The following SLC25A35 variants were observed in gnomAD, a reference collection of about 807,000 sequenced individuals.
SLC25A35 encodes solute carrier family 25, member 35.
A neutral mutation model predicts 30.5 loss-of-function variants in SLC25A35; 32 were observed. The observed-to-expected ratio is 1.05, with a 90% confidence interval of 0.79 to 1.41. SLC25A35 has a LOEUF of 1.41. Among genes scored for constraint, SLC25A35 ranks in the 40% most tolerant of loss-of-function variants. The probability of loss-of-function intolerance (pLI) is 0.00; values close to 1 mark genes in which losing one functional copy is unlikely to be tolerated. For missense variants in SLC25A35, 369 were observed against 388.0 expected, an observed-to-expected ratio of 0.95 and a Z score of 0.41; for synonymous variants, 142 against 158.1, an observed-to-expected ratio of 0.90 and a Z score of 0.77.
At chr17:8,292,050 C>T (rs1429000748) in intron 2 of SLC25A35, among the ~76,000 whole-genome samples, 4 of 152,166 alleles carry the variant, frequency 2.6e-5, no homozygotes, top group African/African-American at 9.7e-5. Flanking sequence ...GACGTGGTGG[C>T]GCATGGCTGT....
Position 8,294,501 on chromosome 17 carries a change from C to A in SLC25A35, c.307G>T (p.Ala103Ser), listed in dbSNP as rs1392631601. The stretch of plus-strand genomic sequence containing the variant: ...ATGGCCCCAGCTGCTGCGCTGCGGG[C>A]AGGACTGTGGGTGCCTTCGGCTGTG... ...LHTAEGTHSP[A>S]RSAAAGAMAG... The change falls in exon 1 of 5, where the codon GCC becomes TCC. Residue 103 changes from alanine to serine, a missense_variant. By Grantham distance (99) the Ala-to-Ser change is moderately conservative. Coordinates refer to ENST00000577745, the MANE Select transcript of SLC25A35 (RefSeq NM_001320870.2). 3.1e-6 allele frequency: 5 copies of A among 1,613,180 alleles called. No individual in the cohort carries two copies. In the Admixed American group the frequency reaches 6.7e-5, roughly 22 times the overall value.
chr17:8,288,744 A>G (rs753158585), downstream of SLC25A35: 25 of 1,604,870 alleles, frequency 1.6e-5, no homozygotes, highest in Non-Finnish European at 2.1e-5. Flanking sequence ...CCCAATGTGG[A>G]CTTCTTTTAA....
At chr17:8,288,447 A>G (rs1990217351), downstream of SLC25A35, 2 of 394,166 alleles carry the variant, frequency 5.1e-6, no homozygotes, top group Admixed American at 7.5e-5. Context: ...CAATCAATCA[A>G]TCAATCAATC....
chr17:8,291,718 A>G (rs1199355880), intron 2 of SLC25A35, among the ~76,000 whole-genome samples: 1 of 152,176 alleles, frequency 6.6e-6, no homozygotes, highest in Non-Finnish European at 1.5e-5. Flanking sequence ...ACTGGTCAGG[A>G]GAAACAGGGG....
At chr17:8,289,331 T>C (rs138959557), downstream of SLC25A35, 950 of 1,614,148 alleles carry the variant, frequency 5.9e-4, 3 homozygotes, top group African/African-American at 0.012. Context: ...GCCTCTCAGT[T>C]TGGAGAACCT....
chr17:8,294,385 A>G (rs773738162), intron 1 of SLC25A35, 48 bp downstream of exon 1: 1 of 1,507,834 alleles, frequency 6.6e-7, no homozygotes, highest in Non-Finnish European at 8.8e-7. Context: ...CTCCTATCCT[A>G]CAACGAGGAT....
At chr17:8,289,322 CCT>C (rs1382381938), downstream of SLC25A35, 1 of 1,614,202 alleles carries the variant, frequency 6.2e-7, no homozygotes, top group Admixed American at 1.7e-5. Context: ...GTCTGTTCAG[CCT>C]CTCAGTTTGG....
chr17:8,288,918 G>C (rs1434375658), downstream of SLC25A35: 4 of 1,613,868 alleles, frequency 2.5e-6, no homozygotes, highest in Middle Eastern at 1.6e-4. Flanking sequence ...TGTGGGAAGA[G>C]ACCGGGGTCA....
In SLC25A35 at chr17:8,291,042, C is replaced by G. The variant is rs893983153; in HGVS notation, c.595-66G>C. 3 of 1,587,312 alleles carry G rather than the reference C, an allele frequency of 1.9e-6. No individual in the cohort carries two copies. The African/African-American group carries it at 4.0e-5, about 21-fold the overall frequency. ...TATTACACCCCAAGGACAGGACAGT[C>G]CCTGCCCTGGGGACACAGATGCTGG... On this transcript the variant is annotated intron_variant, in intron 3 of 4. Coordinates refer to ENST00000577745, the MANE Select transcript of SLC25A35 (RefSeq NM_001320870.2).
downstream of SLC25A35, chr17:8,288,800 G>A (rs375419554): frequency 6.2e-6 from 10 of 1,613,998 alleles, no homozygotes; most frequent in African/African-American, 9.3e-5. Context: ...TGGAGCCCAC[G>A]AGAGACTGCC....
At chr17:8,289,197 A>G, downstream of SLC25A35, 6 of 1,604,652 alleles carry the variant, frequency 3.7e-6, no homozygotes, top group Non-Finnish European at 4.3e-6. Flanking sequence ...CCTGCAACTT[A>G]AAGATGCTCC....
At chr17:8,288,206 G>T, downstream of SLC25A35, 1 of 161,830 alleles carries the variant, frequency 6.2e-6, no homozygotes, top group Non-Finnish European at 1.4e-5. Flanking sequence ...AGCCGAGGCG[G>T]GAGGATCGCT....
chr17:8,289,203 G>C, downstream of SLC25A35: 1 of 1,606,624 alleles, frequency 6.2e-7, no homozygotes, highest in African/African-American at 1.3e-5. Flanking sequence ...ACTTAAAGAT[G>C]CTCCCGGGGA....
downstream of SLC25A35, chr17:8,289,016 C>T (rs1414488309): frequency 6.2e-7 from 1 of 1,613,994 alleles, no homozygotes; most frequent in East Asian, 2.2e-5. Context: ...CGGACCAGAG[C>T]CTGATAGTGG....
In SLC25A35 at chr17:8,294,442, G is replaced by A. The variant is rs1990726128; in HGVS notation, c.366C>T (p.Pro122=). Reference sequence around the variant, plus strand: ...AGAGCCCTCTTCTTACCATGTAGATGGGGCTCCCCAAGTAGGCTCCCATGA... The same window carrying A: ...AGAGCCCTCTTCTTACCATGTAGATAGGGCTCCCCAAGTAGGCTCCCATGA... The part of the protein sequence containing the change: ...AGVMGAYLGS[P]IYMVKTHLQA... The change falls in exon 1 of 5, where the codon CCC becomes CCT. Residue 122 remains proline (P), a synonymous_variant. Transcript: ENST00000577745. 6.3e-7 allele frequency: 1 copy of A among 1,579,824 alleles called. No homozygotes were observed. The highest frequency in any genetic ancestry group is 8.6e-7 in the Non-Finnish European group (1 of 1,163,734).
chr17:8,294,488 G>A lies in SLC25A35; in HGVS notation c.320C>T (p.Ala107Val). The A allele has an allele frequency of 1.2e-6, 2 of 1,610,464 alleles. No individual in the cohort carries two copies. The highest frequency in any genetic ancestry group is 1.7e-6 in the Non-Finnish European group (2 of 1,178,328). The change falls in exon 1 of 5, where the codon GCA becomes GTA. Residue 107 changes from alanine (A) to valine (V), a missense_variant. By Grantham distance (64) the Ala-to-Val change is moderately conservative. Coordinates refer to ENST00000577745, the MANE Select transcript of SLC25A35 (RefSeq NM_001320870.2). The stretch of plus-strand genomic sequence containing the variant: ...CATGACCCCAGCCATGGCCCCAGCT[G>A]CTGCGCTGCGGGCAGGACTGTGGGT... The part of the protein sequence containing the change: ...EGTHSPARSA[A>V]AGAMAGVMGA...
At chr17:8,291,102 A>C (rs567724520) in intron 3 of SLC25A35, 126 bp from the exon 4 acceptor site, 2 of 1,384,730 alleles carry the variant, frequency 1.4e-6, no homozygotes, top group African/African-American at 1.4e-5. Context: ...CAGTTATAAC[A>C]GTGCAAAAAC....
intron 3 of SLC25A35, 111 bp from the exon 4 acceptor site, chr17:8,291,087 T>C (rs1486415308): frequency 1.4e-6 from 2 of 1,458,992 alleles, no homozygotes; most frequent in East Asian, 2.3e-5. Context: ...GAGCTTCCAC[T>C]GCACCAGTTA....
In SLC25A35 at chr17:8,290,123, T is replaced by C. The variant is rs1990368695; in HGVS notation, c.*382A>G. Reference sequence around the variant, plus strand: ...GTGCCTTTGAATCTAACAGGACACCTGGGTCCCAGACGCCTGGGAATTGGG... The same window carrying C: ...GTGCCTTTGAATCTAACAGGACACCCGGGTCCCAGACGCCTGGGAATTGGG... On this transcript the variant is annotated 3_prime_UTR_variant, in exon 5 of 5. Transcript: ENST00000577745. 6.8e-7 allele frequency: 1 copy of C among 1,472,238 alleles called. No homozygotes were observed. Among genetic ancestry groups the C allele is most frequent in the Non-Finnish European group, 9.0e-7 (1 of 1,114,844 alleles). The allele number at this position is 1,472,238 out of a possible 1,614,324, so 91.2% of individuals were successfully genotyped here. A position where few individuals can be genotyped will look rare whatever the true frequency, so the allele number is the denominator to read the frequency against.
Sources: allele counts gnomAD v4.1 joint callset (sites outside exome capture counted in the v4.1 genomes callset), GRCh38; gene constraint gnomAD v4.1.1; transcripts MANE v1.5; gene names NCBI Gene and HGNC (gene_info 2026-07-23, HGNC 2026-07-21).